Variants in EEF2KMT observed in about 807,000 individuals in gnomAD.
EEF2KMT encodes eukaryotic elongation factor 2 lysine methyltransferase, also known as protein-lysine N-methyltransferase EEF2KMT.
In EEF2KMT, 30 loss-of-function variants were observed where a neutral mutation model predicts 35.1. The observed-to-expected ratio is 0.85, with a 90% confidence interval of 0.64 to 1.16. The LOEUF (loss-of-function observed/expected upper bound fraction) is 1.16, where lower values mean the gene tolerates loss of function less well. EEF2KMT is among the 50% of genes most tolerant of loss of function. The pLI is 0.00. For synonymous variants in EEF2KMT, 190 were observed against 187.7 expected (o/e 1.01, Z -0.10); for missense variants, 499 against 438.2 (o/e 1.14, Z -1.24).
intron 1 of EEF2KMT, chr16:5,097,165 G>T: frequency 1.7e-6 from 1 of 579,516 alleles, no homozygotes; most frequent in Non-Finnish European, 2.4e-6. Flanking sequence ...CATCACAGGC[G>T]TGACAGCCTC....
intron 2 of EEF2KMT, among the ~76,000 whole-genome samples, chr16:5,094,270 T>C (rs1262937415): frequency 2.0e-5 from 3 of 152,184 alleles, no homozygotes; most frequent in Admixed American, 6.5e-5. Context: ...TGCTGGTTTT[T>C]CATTTATTCT....
At chr16:5,097,204 C>G in intron 1 of EEF2KMT, 1 of 1,025,170 alleles carries the variant, frequency 9.8e-7, no homozygotes, top group East Asian at 6.2e-5. Flanking sequence ...GTGCAGTGCT[C>G]AACATACAGA....
intron 1 of EEF2KMT, 101 bp downstream of exon 1, chr16:5,097,543 C>G: frequency 6.6e-7 from 1 of 1,506,922 alleles, no homozygotes; most frequent in Non-Finnish European, 8.8e-7. Flanking sequence ...CCCAGGAACT[C>G]ACGTGGCGGG....
At chr16:5,091,977 G>C in intron 3 of EEF2KMT, 82 bp from the exon 4 acceptor site, 1 of 1,589,868 alleles carries the variant, frequency 6.3e-7, no homozygotes, top group Non-Finnish European at 8.6e-7. Context: ...AAGTTTGGAG[G>C]GGAGATTTGC....
chr16:5,093,416 G>A, intron 3 of EEF2KMT, 68 bp downstream of exon 3: 1 of 1,608,698 alleles, frequency 6.2e-7, no homozygotes, highest in Non-Finnish European at 8.5e-7. Flanking sequence ...GGCCTGGGAA[G>A]GACGGGGGCT....
rs555766447 is a variant in EEF2KMT, at chr16:5,084,704, G to T, written c.*928C>A. On this transcript the variant is annotated 3_prime_UTR_variant, in exon 8 of 8. Coordinates refer to ENST00000427587, the MANE Select transcript of EEF2KMT (RefSeq NM_201400.4). ...CAGCCAGGTGGTGACCTGGGATGGG[G>T]TGGGGACAGGCAATGAGGTAAGCTC... The T allele has an allele frequency of 1.3e-6, 2 of 1,596,300 alleles. No homozygotes were observed. Among genetic ancestry groups the T allele is most frequent in the African/African-American group, 2.7e-5 (2 of 74,958 alleles).
At chr16:5,091,629 C>T (rs184781686) in intron 4 of EEF2KMT, among the ~76,000 whole-genome samples, 165 bp downstream of exon 4, 159 of 152,332 alleles carry the variant, frequency 1.0e-3, no homozygotes, top group Non-Finnish European at 1.6e-3. Flanking sequence ...TGTTGAAGTG[C>T]CTGATTTACA....
chr16:5,096,395 T>C (rs111910712), intron 1 of EEF2KMT, among the ~76,000 whole-genome samples: 6 of 152,346 alleles, frequency 3.9e-5, no homozygotes, highest in African/African-American at 1.2e-4. Flanking sequence ...TCATCTGTCA[T>C]GGGTACTGCT....
chr16:5,089,313 T>G lies in EEF2KMT; in HGVS notation c.743-57A>C, dbSNP rs1228158785. 18 of 1,594,540 alleles carry G rather than the reference T, an allele frequency of 1.1e-5. No homozygotes were observed. The Admixed American group carries it at 2.4e-4, about 21-fold the overall frequency. On this transcript the variant is annotated intron_variant, in intron 6 of 7. Coordinates refer to ENST00000427587, the MANE Select transcript of EEF2KMT (RefSeq NM_201400.4). ...ACCAGTGGACAGGTCCAGGTCATGC[T>G]GACGTCAGCAGCAGGGCGAGGCCAG...
chr16:5,092,516 G>C (rs1957361618), intron 3 of EEF2KMT, among the ~76,000 whole-genome samples: 1 of 152,206 alleles, frequency 6.6e-6, no homozygotes, highest in South Asian at 2.1e-4. Flanking sequence ...GCATGCTTCT[G>C]GGGAGGACTA....
At chr16:5,097,409 G>T (rs1957493925) in intron 1 of EEF2KMT, 2 of 1,445,260 alleles carry the variant, frequency 1.4e-6, no homozygotes, top group Non-Finnish European at 9.1e-7. Flanking sequence ...GCGCGCGTCT[G>T]CCCCCCAAGG....
Position 5,085,624 on chromosome 16 carries a change from T to C in EEF2KMT, c.*8A>G, listed in dbSNP as rs371074454. 123 of 1,577,558 alleles carry C rather than the reference T, an allele frequency of 7.8e-5. 1 individual carries two copies. The African/African-American group carries it at 1.5e-3, about 20-fold the overall frequency. ...TTCTCACAATCCCGTTGGAGTCGTGTGTGAGTCCTACAGGGTGAGATTCAG... is the reference window on the plus strand; with the variant it reads ...TTCTCACAATCCCGTTGGAGTCGTGCGTGAGTCCTACAGGGTGAGATTCAG... On this transcript the variant is annotated 3_prime_UTR_variant, in exon 8 of 8. Transcript: ENST00000427587.
intron 7 of EEF2KMT, 46 bp from the exon 8 acceptor site, chr16:5,085,778 A>C: frequency 7.0e-7 from 1 of 1,426,122 alleles, no homozygotes; most frequent in Non-Finnish European, 9.9e-7. Context: ...GTTTGGGGAC[A>C]GGACATGAGG....
At chr16:5,086,334 CAA>C (rs374671583) in intron 7 of EEF2KMT, among the ~76,000 whole-genome samples, 2,112 of 128,248 alleles carry the variant, frequency 0.016, 40 homozygotes, top group African/African-American at 0.049. Flanking sequence ...GACTAAGTCT[CAA>C]AAAAAAAAAA....
In EEF2KMT at chr16:5,084,774, C is replaced by G. The variant is rs376032057; in HGVS notation, c.*858G>C. The G allele has an allele frequency of 1.3e-5, 20 of 1,596,448 alleles. No homozygotes were observed. The South Asian group carries it at 2.1e-4, about 17-fold the overall frequency. On this transcript the variant is annotated 3_prime_UTR_variant, in exon 8 of 8. Coordinates refer to ENST00000427587, the MANE Select transcript of EEF2KMT (RefSeq NM_201400.4). ...GATGCTTTTCTCAAACTTTCCTGAT[C>G]CTGCGGGCAAGCTAAACCAGTTCCG...
Position 5,093,666 on chromosome 16 carries a change from C to A in EEF2KMT, c.160-102G>T, listed in dbSNP as rs559326153. On this transcript the variant is annotated intron_variant, in intron 2 of 7. Coordinates refer to ENST00000427587, the MANE Select transcript of EEF2KMT (RefSeq NM_201400.4). The stretch of plus-strand genomic sequence containing the variant: ...AGGGCAAACTCCAGGCTACCCGATC[C>A]CTCAGCAAAGATGTAGATGGACACA... The A allele has an allele frequency of 7.0e-6, 11 of 1,568,928 alleles. No homozygotes were observed. In the East Asian group the frequency reaches 2.3e-4, roughly 33 times the overall value.
At chr16:5,089,534 T>A (rs1215075077) in intron 6 of EEF2KMT, 5 of 534,776 alleles carry the variant, frequency 9.3e-6, no homozygotes, top group Non-Finnish European at 1.7e-5. Flanking sequence ...TCTAGAGGGC[T>A]TTGAATGACA....
intron 7 of EEF2KMT, among the ~76,000 whole-genome samples, chr16:5,088,061 C>G (rs1202701844): frequency 6.6e-6 from 1 of 151,880 alleles, no homozygotes; most frequent in African/African-American, 2.4e-5. Context: ...CCCACCTCAG[C>G]CTCCTGAGTA....
chr16:5,097,532 G>A (rs1281411821), intron 1 of EEF2KMT, 112 bp downstream of exon 1: 1 of 1,494,050 alleles, frequency 6.7e-7, no homozygotes, highest in Non-Finnish European at 8.9e-7. Flanking sequence ...ACCGGCGGGA[G>A]CCCAGGAACT....
Sources: gnomAD v4.1 joint callset for allele counts (sites outside exome capture counted in the v4.1 genomes callset) on GRCh38, gnomAD v4.1.1 for gene constraint, MANE v1.5 for transcripts, NCBI Gene and HGNC (gene_info 2026-07-23, HGNC 2026-07-21) for gene names.